HNRNPH1: variants seen among roughly 807,000 people sequenced by gnomAD.
HNRNPH1 encodes heterogeneous nuclear ribonucleoprotein H.
HNRNPH1 carries 4 observed loss-of-function variants against 58.6 expected under a neutral mutation model. That is an observed-to-expected ratio of 0.07 (90% confidence interval 0.03 to 0.16). The LOEUF (loss-of-function observed/expected upper bound fraction) is 0.16, where lower values mean the gene tolerates loss of function less well. Among genes scored for constraint, HNRNPH1 ranks in the 10% least tolerant of loss-of-function variants. HNRNPH1 has a pLI of 1.00. For synonymous variants in HNRNPH1, 192 were observed against 189.2 expected (o/e 1.01, Z -0.12); for missense variants, 271 against 564.2 (o/e 0.48, Z 5.26).
At chr5:179,627,930 A>T (rs946546591), upstream of HNRNPH1, among the ~76,000 whole-genome samples, 5 of 149,894 alleles carry the variant, frequency 3.3e-5, no homozygotes, top group African/African-American at 1.2e-4. Flanking sequence ...GCAAAAAAAA[A>T]AAAAGGAAAA....
At chr5:179,623,336 G>A (rs890916421) in exon 1 of HNRNPH1, 22 of 411,872 alleles carry the variant, frequency 5.3e-5, no homozygotes, top group Middle Eastern at 6.2e-4. Flanking sequence ...GCTGTCCTGA[G>A]CAACAGCTGT....
chr5:179,627,096 T>G (rs556196569), upstream of HNRNPH1, among the ~76,000 whole-genome samples: 2 of 152,304 alleles, frequency 1.3e-5, no homozygotes, highest in Non-Finnish European at 2.9e-5. Context: ...CTTCGTATAC[T>G]TCTTACAGTT....
chr5:179,621,939 T>G, intron 1 of HNRNPH1: 2 of 456,344 alleles, frequency 4.4e-6, no homozygotes, highest in Middle Eastern at 3.3e-4. Context: ...TCCAGCGTAC[T>G]TGGTTCTTGT....
At chr5:179,630,000 G>A (rs531682723) in intron 2 of HNRNPH1, among the ~76,000 whole-genome samples, 1 of 151,924 alleles carries the variant, frequency 6.6e-6, no homozygotes, top group Admixed American at 6.6e-5. Flanking sequence ...CTCGAGCCTC[G>A]GTGACAGAAC....
chr5:179,629,967 T>C (rs1037796175), intron 2 of HNRNPH1, among the ~76,000 whole-genome samples: 2 of 152,012 alleles, frequency 1.3e-5, no homozygotes, highest in Admixed American at 6.5e-5. Context: ...GAGGTTGCAG[T>C]GAGACTAGAT....
upstream of HNRNPH1, among the ~76,000 whole-genome samples, chr5:179,625,363 A>G (rs1488074978): frequency 2.3e-5 from 2 of 86,490 alleles, no homozygotes; most frequent in Non-Finnish European, 5.0e-5. Context: ...ATGCATGCAC[A>G]CGCCTGTAAT....
Position 179,617,681 on chromosome 5 carries a change from C to A in HNRNPH1, c.922-32G>T, listed in dbSNP as rs373420676. 1.9e-6 allele frequency: 3 copies of A among 1,607,994 alleles called. No homozygotes were observed. In the South Asian group the frequency reaches 3.3e-5, roughly 18 times the overall value. On this transcript the variant is annotated intron_variant, in intron 7 of 12. Transcript: ENST00000356731. ...CACAAGGCATTTCAAAGAATTCAAC[C>A]AACTTTCTAACGTTACAAAAAAAAC... is the stretch of plus-strand genomic sequence containing the variant.
chr5:179,633,374 C>T (rs999045593), intron 2 of HNRNPH1, among the ~76,000 whole-genome samples: 6 of 151,700 alleles, frequency 4.0e-5, no homozygotes, highest in Non-Finnish European at 7.4e-5. Flanking sequence ...CGGCTCACTG[C>T]AAGCTCCGCC....
At chr5:179,623,297 C>T in exon 1 of HNRNPH1, 1 of 469,520 alleles carries the variant, frequency 2.1e-6, no homozygotes, top group South Asian at 2.1e-5. Context: ...GACTCCAACA[C>T]CTCCTCGTCC....
chr5:179,621,941 G>T (rs1426772081), intron 1 of HNRNPH1: 3 of 456,148 alleles, frequency 6.6e-6, no homozygotes, highest in Non-Finnish European at 1.3e-5. Flanking sequence ...CAGCGTACTT[G>T]GTTCTTGTTT....
chr5:179,616,248 T>C (rs1769572678), intron 10 of HNRNPH1, 30 bp from the exon 12 acceptor site: 3 of 1,556,672 alleles, frequency 1.9e-6, no homozygotes, highest in African/African-American at 1.4e-5. Flanking sequence ...TTAGAACCTT[T>C]TTTCTTATGT....
At chr5:179,622,706 CAAAAG>C (rs1413130387) in intron 1 of HNRNPH1, 2 of 151,992 alleles carry the variant, frequency 1.3e-5, no homozygotes, top group Non-Finnish European at 1.5e-5. Flanking sequence ...GACTCCAACT[CAAAAG>C]AAAAAGAAAA....
At chr5:179,617,446 T>G in intron 8 of HNRNPH1, 68 bp downstream of exon 9, 1 of 1,520,090 alleles carries the variant, frequency 6.6e-7, no homozygotes, top group Non-Finnish European at 9.0e-7. Flanking sequence ...TATTTTTCCA[T>G]TTCTCTATTG....
exon 1 of HNRNPH1, chr5:179,624,616 C>T (rs1774181159): frequency 2.5e-6 from 1 of 398,760 alleles, no homozygotes; most frequent in Non-Finnish European, 4.4e-6. Flanking sequence ...CCCCGGGTCA[C>T]CCCATGTGCA....
chr5:179,624,491 G>T, exon 1 of HNRNPH1: 1 of 398,714 alleles, frequency 2.5e-6, no homozygotes, highest in South Asian at 1.3e-4. Context: ...CGCGAGCGCG[G>T]GCTCCACGGG....
intron 2 of HNRNPH1, 93 bp downstream of exon 3, chr5:179,621,149 T>C (rs1772125293): frequency 6.7e-7 from 1 of 1,493,696 alleles, no homozygotes; most frequent in Non-Finnish European, 9.3e-7. Flanking sequence ...TAGATGACCA[T>C]TTCCATGCAG....
chr5:179,624,943 G>T (rs1027414422), upstream of HNRNPH1, among the ~76,000 whole-genome samples: 2 of 152,320 alleles, frequency 1.3e-5, no homozygotes, highest in South Asian at 4.1e-4. Context: ...AAAGACAGGA[G>T]CCCAGAGCTA....
At chr5:179,621,811 A>C in intron 1 of HNRNPH1, 1 of 380,600 alleles carries the variant, frequency 2.6e-6, no homozygotes, top group Non-Finnish European at 5.2e-6. Flanking sequence ...ACGGTTTCTC[A>C]TTCAAATTCA....
chr5:179,632,354 G>A (rs988410918), intron 2 of HNRNPH1, among the ~76,000 whole-genome samples: 2 of 152,036 alleles, frequency 1.3e-5, no homozygotes, highest in Admixed American at 6.6e-5. Flanking sequence ...GTTAGAGCCC[G>A]GGTATGGGGT....
Sources: allele counts gnomAD v4.1 joint callset (sites outside exome capture counted in the v4.1 genomes callset), GRCh38; gene constraint gnomAD v4.1.1; transcripts MANE v1.5; gene names NCBI Gene and HGNC (gene_info 2026-07-23, HGNC 2026-07-21).